Variants in RMND1 observed in about 807,000 individuals in gnomAD.
RMND1 encodes the protein required for meiotic nuclear division 1 homolog, also known as required for meiotic nuclear division protein 1 homolog.
Under a neutral mutation model 54.0 loss-of-function variants are expected in RMND1, and 41 were observed. The observed-to-expected ratio is 0.76, with a 90% CI of 0.59 to 0.98. The LOEUF is 0.98. Among genes scored for constraint, RMND1 ranks in the 50% least tolerant of loss-of-function variants. The pLI is 0.00. For missense variants in RMND1, 457 were observed against 532.0 expected (o/e 0.86, Z 1.39); for synonymous variants, 183 against 181.7 (o/e 1.01, Z -0.06).
chr6:151,410,273 T>G (rs1048011216), intron 10 of RMND1, among the ~76,000 whole-genome samples: 10 of 152,142 alleles, frequency 6.6e-5, no homozygotes, highest in Admixed American at 1.3e-4. Context: ...GCCAGGATGG[T>G]CTGGATCTCC....
chr6:151,440,964 G>GTA (rs1248678480), intron 2 of RMND1, among the ~76,000 whole-genome samples: 1 of 79,548 alleles, frequency 1.3e-5, no homozygotes, highest in African/African-American at 4.8e-5. Flanking sequence ...TTCAGGATGG[G>GTA]GATCTACACC....
chr6:151,442,918 AG>A (rs1195510203), intron 2 of RMND1, among the ~76,000 whole-genome samples: 1 of 152,122 alleles, frequency 6.6e-6, no homozygotes, highest in East Asian at 1.9e-4. Context: ...GACCAGGTAA[AG>A]ATTTAATTCC....
chr6:151,442,744 T>C (rs1394222889), intron 2 of RMND1, among the ~76,000 whole-genome samples: 1 of 151,550 alleles, frequency 6.6e-6, no homozygotes, highest in Non-Finnish European at 1.5e-5. Context: ...TCTTGCTATG[T>C]TGCCAGGCTG....
chr6:151,451,150 A>G lies in RMND1; in HGVS notation c.-15+866T>C, dbSNP rs182803110. ...CTGACCTTCCCTCCACTATTGTCCT[A>G]TGACCCTGCCAAATCCCCCTCTGCG... On this transcript the variant is annotated intron_variant, in intron 1 of 11. Transcript: ENST00000444024. 2.7e-3 allele frequency among the ~76,000 whole-genome samples: 396 copies of G among 149,172 alleles called. 2 individuals are homozygous for G. Among genetic ancestry groups the G allele is most frequent in the African/African-American group, 9.5e-3 (382 of 40,342 alleles).
chr6:151,428,710 T>A (rs1366533609), intron 5 of RMND1, among the ~76,000 whole-genome samples: 2 of 152,118 alleles, frequency 1.3e-5, no homozygotes, highest in Non-Finnish European at 2.9e-5. Flanking sequence ...TTCTAAAAAC[T>A]TTTTGTAGAG....
chr6:151,422,071 C>A (rs942602405), intron 8 of RMND1, among the ~76,000 whole-genome samples: 5 of 151,974 alleles, frequency 3.3e-5, no homozygotes, highest in Admixed American at 1.3e-4. Context: ...ACTGGGAGTT[C>A]TTAAGTTTAC....
intron 2 of RMND1, chr6:151,444,664 T>A (rs1397313445): frequency 7.4e-6 from 1 of 134,898 alleles, no homozygotes; most frequent in Admixed American, 7.2e-5. Flanking sequence ...AACATTTAAG[T>A]ACAAGGTACA....
Position 151,422,205 on chromosome 6 carries a change from G to A in RMND1, c.1002+336C>T, listed in dbSNP as rs374648455. On this transcript the variant is annotated intron_variant, in intron 8 of 11. Coordinates refer to ENST00000444024, the MANE Select transcript of RMND1 (RefSeq NM_017909.4). ...AGTATTTTGAGAAAAAAGAATGGTTGCATCTGTACCGAACATGTACAAACT... is the reference window on the plus strand; with the variant it reads ...AGTATTTTGAGAAAAAAGAATGGTTACATCTGTACCGAACATGTACAAACT... 1.9e-4 allele frequency among the ~76,000 whole-genome samples: 29 copies of A among 152,216 alleles called. No individual in the cohort carries two copies. In the South Asian group the frequency reaches 5.8e-3, roughly 30 times the overall value.
intron 1 of RMND1, among the ~76,000 whole-genome samples, chr6:151,449,156 C>G (rs1275644450): frequency 6.7e-6 from 1 of 148,856 alleles, no homozygotes; most frequent in African/African-American, 2.5e-5. Context: ...TTCACAAGGT[C>G]AGATGTTCGA....
intron 2 of RMND1, among the ~76,000 whole-genome samples, chr6:151,439,851 G>C (rs1488249567): frequency 6.6e-6 from 1 of 151,392 alleles, no homozygotes; most frequent in Non-Finnish European, 1.5e-5. Flanking sequence ...GTAGAGACGG[G>C]GTTTCTCCAT....
At chr6:151,414,707 A>G (rs1206901466) in intron 10 of RMND1, among the ~76,000 whole-genome samples, 1 of 152,216 alleles carries the variant, frequency 6.6e-6, no homozygotes, top group African/African-American at 2.4e-5. Flanking sequence ...GAATCAATCA[A>G]CTAGAAGATG....
Position 151,442,567 on chromosome 6 carries a change from C to T in RMND1, c.504+2741G>A, listed in dbSNP as rs34957378. The stretch of plus-strand genomic sequence containing the variant: ...GTTTAGTGACAGGGCCTCACTCTGT[C>T]GCCCAGGCTGGACGGAGCGAGGTGC... On this transcript the variant is annotated intron_variant, in intron 2 of 11. Coordinates refer to ENST00000444024, the MANE Select transcript of RMND1 (RefSeq NM_017909.4). 1.6e-3 allele frequency among the ~76,000 whole-genome samples: 245 copies of T among 152,272 alleles called. 1 individual carries two copies. The highest frequency in any genetic ancestry group is 8.3e-3 in the South Asian group (40 of 4,828).
chr6:151,405,406 ATTGGAGGTACGGGTGC>A, intron 11 of RMND1, 139 bp from the exon 12 acceptor site: 1 of 757,190 alleles, frequency 1.3e-6, no homozygotes, highest in Non-Finnish European at 2.2e-6. Context: ...CAACCTATGA[ATTGGAGGTACGGGTGC>A]TTGATTTGAT....
chr6:151,410,466 G>A (rs539101308), intron 10 of RMND1, among the ~76,000 whole-genome samples: 26 of 152,270 alleles, frequency 1.7e-4, no homozygotes, highest in South Asian at 6.2e-4. Context: ...CTAAGGCAGG[G>A]TGAACTCTCA....
chr6:151,425,832 G>C (rs572587486), intron 6 of RMND1, among the ~76,000 whole-genome samples: 1 of 152,256 alleles, frequency 6.6e-6, no homozygotes, highest in East Asian at 1.9e-4. Context: ...TTAGAAAACC[G>C]TGACTGGCCC....
At chr6:151,415,903 G>C (rs1779991255) in intron 10 of RMND1, among the ~76,000 whole-genome samples, 1 of 152,094 alleles carries the variant, frequency 6.6e-6, no homozygotes, top group South Asian at 2.1e-4. Context: ...AGGGGTTAGG[G>C]ACAGTCCGGG....
chr6:151,448,584 T>C (rs1781029363), intron 1 of RMND1, among the ~76,000 whole-genome samples: 1 of 152,198 alleles, frequency 6.6e-6, no homozygotes, highest in Non-Finnish European at 1.5e-5. Context: ...CCAAGGGCCT[T>C]CTAGGGACCA....
chr6:151,433,825 GT>G (rs200775279), intron 3 of RMND1, among the ~76,000 whole-genome samples: 8 of 148,032 alleles, frequency 5.4e-5, no homozygotes, highest in African/African-American at 7.4e-5. Flanking sequence ...TAAAAAAAAA[GT>G]TTTTTTTTTG....
intron 2 of RMND1, among the ~76,000 whole-genome samples, chr6:151,442,223 T>C (rs1393906867): frequency 6.6e-6 from 1 of 152,178 alleles, no homozygotes; most frequent in African/African-American, 2.4e-5. Flanking sequence ...TCCTGTAAGT[T>C]TTTCTGACTA....
Sources: allele counts gnomAD v4.1 joint callset (sites outside exome capture counted in the v4.1 genomes callset), GRCh38; gene constraint gnomAD v4.1.1; transcripts MANE v1.5; gene names NCBI Gene and HGNC (gene_info 2026-07-23, HGNC 2026-07-21).